The following STX11 variants were observed in gnomAD, a reference collection of about 807,000 sequenced individuals.
STX11 encodes syntaxin 11.
Under a neutral mutation model 19.9 loss-of-function variants are expected in STX11, and 21 were observed. That is an observed-to-expected ratio of 1.06 (90% CI 0.75 to 1.52). The LOEUF is 1.52. Ranked by LOEUF, STX11 falls within the 40% of genes most tolerant of loss-of-function variation. The pLI is 0.00. For synonymous variants in STX11, 193 were observed against 174.4 expected, an observed-to-expected ratio of 1.11 and a Z score of -0.84; for missense variants, 438 against 405.9, an observed-to-expected ratio of 1.08 and a Z score of -0.68.
intron 1 of STX11, among the ~76,000 whole-genome samples, chr6:144,163,615 A>G (rs533804127): frequency 1.3e-5 from 2 of 152,096 alleles, no homozygotes; most frequent in Admixed American, 1.3e-4. Flanking sequence ...AGTAGCTGAG[A>G]TAACAGGCAC....
At chr6:144,150,805 C>T (rs1051323090) in intron 1 of STX11, 102 bp downstream of exon 1, 1 of 881,508 alleles carries the variant, frequency 1.1e-6, no homozygotes, top group Non-Finnish European at 1.4e-6. Context: ...ACTGTCTAGG[C>T]TCGGGACCCG....
chr6:144,166,059 G>A (rs986021561), intron 1 of STX11, among the ~76,000 whole-genome samples: 6 of 152,130 alleles, frequency 3.9e-5, no homozygotes, highest in Non-Finnish European at 8.8e-5. Flanking sequence ...TTTGCTTCTT[G>A]TTTGGAAATA....
rs1802154866 is a variant in STX11, at chr6:144,189,319, G to T, written c.*1828G>T. Among the ~76,000 whole-genome samples, 1 of 152,178 alleles carries T rather than the reference G, an allele frequency of 6.6e-6. No homozygotes were observed. Among genetic ancestry groups the T allele is most frequent in the Non-Finnish European group, 1.5e-5 (1 of 68,030 alleles). On this transcript the variant is annotated 3_prime_UTR_variant, in exon 2 of 2. Transcript: ENST00000367568. ...TTACAGGCCTGAGCCACTGACCCTG[G>T]CCAAATTTTTTTTCTACTAGCTACT...
chr6:144,184,563 T>A lies in STX11; in HGVS notation c.-5-2060T>A, dbSNP rs1801981997. ...TACAGAAGTCTTTTGTGACTATATT[T>A]TTATACTTTTGCTAAAGATTATTTA... is the stretch of plus-strand genomic sequence containing the variant. On this transcript the variant is annotated intron_variant, in intron 1 of 1. Transcript: ENST00000367568. The surrounding 1 kb of genome is among the most constrained non-coding windows in gnomAD (Gnocchi z 6.5). Among the ~76,000 whole-genome samples the A allele has an allele frequency of 6.6e-6, 1 of 152,268 alleles. No individual in the cohort carries two copies. Among genetic ancestry groups the A allele is most frequent in the Non-Finnish European group, 1.5e-5 (1 of 68,052 alleles).
chr6:144,141,962 G>A, the STX11 span, among the ~76,000 whole-genome samples: 3 of 151,870 alleles, frequency 2.0e-5, no homozygotes, highest in African/African-American at 4.8e-5. Flanking sequence ...GATTACAGGC[G>A]AGAGCCACTG....
chr6:144,143,668 G>A, the STX11 span, among the ~76,000 whole-genome samples: 1 of 152,138 alleles, frequency 6.6e-6, no homozygotes, highest in Non-Finnish European at 1.5e-5. Context: ...ATGGGGCACA[G>A]GCAGCTGTCA....
At chr6:144,164,623 G>T (rs1266433248) in intron 1 of STX11, among the ~76,000 whole-genome samples, 1 of 152,170 alleles carries the variant, frequency 6.6e-6, no homozygotes, top group African/African-American at 2.4e-5. Context: ...TTAAAATTCT[G>T]TTGGTATTAA....
At chr6:144,186,477 A>G (rs1802036553) in intron 1 of STX11, 146 bp from the exon 2 acceptor site, 5 of 955,946 alleles carry the variant, frequency 5.2e-6, no homozygotes, top group Middle Eastern at 2.3e-4. Flanking sequence ...AAAATGTCAG[A>G]ACATTTAGCT....
At chr6:144,185,787 A>G (rs536074880) in intron 1 of STX11, among the ~76,000 whole-genome samples, 1 of 152,222 alleles carries the variant, frequency 6.6e-6, no homozygotes, top group Non-Finnish European at 1.5e-5. Context: ...GGAAACCTCA[A>G]CTTCTAAATT....
At chr6:144,157,849 A>G (rs1801213290) in intron 1 of STX11, among the ~76,000 whole-genome samples, 1 of 152,066 alleles carries the variant, frequency 6.6e-6, no homozygotes, top group African/African-American at 2.4e-5. Flanking sequence ...CAATTTTGTG[A>G]TATTAGGGTT....
rs575855355 is a variant in STX11 at position 144,176,929 on chromosome 6, A to G, written c.-5-9694A>G. On this transcript the variant is annotated intron_variant, in intron 1 of 1. Transcript: ENST00000367568. The surrounding 1 kb of genome is among the most constrained non-coding windows in gnomAD (Gnocchi z 4.1). ...CCTCATGCATTGATGATGTTGGATA[A>G]CTCAGATATTTCCGTACCTTGTGTA... 6.6e-6 allele frequency among the ~76,000 whole-genome samples: 1 copy of G among 152,302 alleles called. No homozygotes were observed. The highest frequency in any genetic ancestry group is 2.1e-4 in the South Asian group (1 of 4,832).
At chr6:144,179,452 C>T (rs1332034905) in intron 1 of STX11, among the ~76,000 whole-genome samples, 1 of 152,180 alleles carries the variant, frequency 6.6e-6, no homozygotes, top group South Asian at 2.1e-4. Context: ...ATTTGTTGTT[C>T]TTTAAGGGCT....
Position 144,187,370 on chromosome 6 carries a change from A to T in STX11, c.743A>T (p.Asn248Ile), listed in dbSNP as rs765907508. The change falls in exon 2 of 2, where the codon AAC becomes ATC. Residue 248 changes from asparagine (N) to isoleucine (I), a missense_variant. Coordinates refer to ENST00000367568, the MANE Select transcript of STX11 (RefSeq NM_003764.4). The surrounding 1 kb of genome is among the most constrained non-coding windows in gnomAD (Gnocchi z 5.6). ...QADTLNVIEL[N>I]VQKTVDYTGQ... ...GACACCCTGAACGTCATCGAGCTCA[A>T]CGTACAAAAGACGGTCGACTACACC... is the stretch of plus-strand genomic sequence containing the variant. The T allele has an allele frequency of 6.2e-7, 1 of 1,610,614 alleles. No individual in the cohort carries two copies. Among genetic ancestry groups the T allele is most frequent in the Non-Finnish European group, 8.5e-7 (1 of 1,179,970 alleles).
rs1444515432 is a variant in STX11, at chr6:144,180,784, A to G, written c.-5-5839A>G. On this transcript the variant is annotated intron_variant, in intron 1 of 1. Coordinates refer to ENST00000367568, the MANE Select transcript of STX11 (RefSeq NM_003764.4). This position sits in a 1 kb window ranked among gnomAD's most constrained non-coding sequence, Gnocchi z 5.3. ...CTGCTTTCTGAATTGTTCCTTCCTG[A>G]TATGACAGAAAATTTTAAGATTCTA... Among the ~76,000 whole-genome samples, 5 of 152,208 alleles carry G rather than the reference A, an allele frequency of 3.3e-5. No homozygotes were observed. The highest frequency in any genetic ancestry group is 1.2e-4 in the African/African-American group (5 of 41,458).
Position 144,182,371 on chromosome 6 carries a change from G to A in STX11, c.-5-4252G>A, listed in dbSNP as rs1801930660. On this transcript the variant is annotated intron_variant, in intron 1 of 1. Transcript: ENST00000367568. This position sits in a 1 kb window ranked among gnomAD's most constrained non-coding sequence, Gnocchi z 4.8. ...GGAGACAACTCATCCAAGGCTGGCT[G>A]AGCCAAGAGAGGTGGGCAGGAAGGC... is the stretch of plus-strand genomic sequence containing the variant. Among the ~76,000 whole-genome samples, 1 of 152,134 alleles carries A rather than the reference G, an allele frequency of 6.6e-6. No individual in the cohort carries two copies. Among genetic ancestry groups the A allele is most frequent in the Non-Finnish European group, 1.5e-5 (1 of 67,998 alleles).
rs780525714 is a variant in STX11, at chr6:144,186,820, C to T, written c.193C>T (p.Leu65=). The T allele has an allele frequency of 1.9e-6, 3 of 1,613,462 alleles. No individual in the cohort carries two copies. Among genetic ancestry groups the T allele is most frequent in the Admixed American group, 3.3e-5 (2 of 60,002 alleles). ...GCTGCTGGTGGCCGACGTGAAGCGG[C>T]TGGGAAAGCAGAACGCCCGCTTCCT... The part of the protein sequence containing the change: ...NQLLVADVKR[L]GKQNARFLTS... The change falls in exon 2 of 2, where the codon CTG becomes TTG. Residue 65 remains leucine (L), a synonymous_variant. Coordinates refer to ENST00000367568, the MANE Select transcript of STX11 (RefSeq NM_003764.4).
the STX11 span, among the ~76,000 whole-genome samples, chr6:144,142,975 T>C: frequency 6.6e-6 from 1 of 152,176 alleles, no homozygotes; most frequent in East Asian, 1.9e-4. Flanking sequence ...CTGGACTTGA[T>C]CCTTACACAT....
rs1179103356 is a variant in STX11 at position 144,187,275 on chromosome 6, C to G, written c.648C>G (p.Arg216=). 1 of 1,613,464 alleles carries G rather than the reference C, an allele frequency of 6.2e-7. No homozygotes were observed. The change falls in exon 2 of 2, where the codon CGC becomes CGG. Residue 216 remains arginine (R), a synonymous_variant. Transcript: ENST00000367568. The surrounding 1 kb of genome is among the most constrained non-coding windows in gnomAD (Gnocchi z 5.6). ...EIESRHRELL[R]LESRIRDVHE... ...AGAGCCGCCACCGCGAACTGCTGCG[C>G]CTGGAGAGCCGCATCCGCGACGTAC...
rs753452811 is a variant in STX11 at position 144,187,093 on chromosome 6, A to T, written c.466A>T (p.Asn156Tyr). ...YNQAEMKQRD[N>Y]CKIRIQRQLE... ...CCAGGCCGAGATGAAGCAGCGCGAC[A>T]ACTGCAAGATCCGCATCCAGCGCCA... The change falls in exon 2 of 2, where the codon AAC (asparagine) becomes TAC (tyrosine). Residue 156 changes from asparagine to tyrosine, a missense_variant. Asn to Tyr is a moderately radical substitution (Grantham distance 143). Coordinates refer to ENST00000367568, the MANE Select transcript of STX11 (RefSeq NM_003764.4). The surrounding 1 kb of genome is among the most constrained non-coding windows in gnomAD (Gnocchi z 5.6). The T allele has an allele frequency of 3.1e-6, 5 of 1,613,664 alleles. No individual in the cohort carries two copies. In the African/African-American group the frequency reaches 5.3e-5, roughly 17 times the overall value.
Sources: gnomAD v4.1 joint callset for allele counts (sites outside exome capture counted in the v4.1 genomes callset) on GRCh38, gnomAD v4.1.1 for gene constraint, Gnocchi (gnomAD v3.1) non-coding constraint, MANE v1.5 for transcripts, NCBI Gene and HGNC (gene_info 2026-07-23, HGNC 2026-07-21) for gene names.